CIMIP5: variants seen among roughly 807,000 people sequenced by gnomAD.
CIMIP5 encodes uncharacterized protein C2orf50.
At chr2:11,142,467 C>T in the CIMIP5 span, among the ~76,000 whole-genome samples, 1 of 152,108 alleles carries the variant, frequency 6.6e-6, no homozygotes, top group Admixed American at 6.6e-5. Flanking sequence ...ATATCCCGAC[C>T]TGTGCATCTG....
chr2:11,142,713 A>ATTTTTTTT, the CIMIP5 span, among the ~76,000 whole-genome samples: 5 of 104,142 alleles, frequency 4.8e-5, no homozygotes, highest in Non-Finnish European at 5.6e-5. Context: ...CACTTGTCAG[A>ATTTTTTTT]TTTTTTTTTT....
chr2:11,149,390 G>A, the CIMIP5 span, among the ~76,000 whole-genome samples: 729 of 152,082 alleles, frequency 4.8e-3, 4 homozygotes, highest in African/African-American at 0.017. Context: ...TTCTGCCAAA[G>A]AGTTGGCCTT....
At chr2:11,133,236 G>A in the CIMIP5 span, 1 of 1,405,834 alleles carries the variant, frequency 7.1e-7, no homozygotes, top group East Asian at 2.6e-5. Context: ...GGGTTAGGAG[G>A]GACAGAGTGT....
chr2:11,133,623 C>A, the CIMIP5 span: 4 of 1,554,062 alleles, frequency 2.6e-6, no homozygotes, highest in Non-Finnish European at 3.5e-6. Context: ...TCCACCCTGA[C>A]TCCGCAGCCT....
the CIMIP5 span, among the ~76,000 whole-genome samples, chr2:11,150,411 C>T: frequency 2.0e-5 from 3 of 149,956 alleles, no homozygotes; most frequent in Admixed American, 6.6e-5. Flanking sequence ...TGGCTCACTG[C>T]AGCCTCCGCT....
the CIMIP5 span, among the ~76,000 whole-genome samples, chr2:11,148,772 G>C: frequency 8.7e-6 from 1 of 115,328 alleles, no homozygotes. Flanking sequence ...TCTCGCTCTC[G>C]TCCCCCAGGC....
chr2:11,144,858 A>G, the CIMIP5 span: 1 of 149,672 alleles, frequency 6.7e-6, no homozygotes, highest in Admixed American at 6.7e-5. Context: ...TCTGTCACCT[A>G]GGCTAGAGGG....
At chr2:11,140,595 TA>T in the CIMIP5 span, 1 of 1,407,068 alleles carries the variant, frequency 7.1e-7, no homozygotes, top group Non-Finnish European at 9.8e-7. Context: ...AATTGAATAT[TA>T]CTCATTCTTT....
chr2:11,143,065 C>A, the CIMIP5 span, among the ~76,000 whole-genome samples: 2 of 152,068 alleles, frequency 1.3e-5, no homozygotes, highest in Non-Finnish European at 2.9e-5. Flanking sequence ...CCCAAACGCA[C>A]GTTCACATAT....
chr2:11,151,794 C>T, the CIMIP5 span, among the ~76,000 whole-genome samples: 38 of 152,330 alleles, frequency 2.5e-4, no homozygotes, highest in African/African-American at 8.9e-4. Context: ...AATCACCATG[C>T]CTGGCTAATT....
chr2:11,133,635 A>C, the CIMIP5 span: 1 of 1,550,070 alleles, frequency 6.5e-7, no homozygotes, highest in Non-Finnish European at 8.7e-7. Flanking sequence ...CCGCAGCCTG[A>C]CTGCAAGTTG....
At chr2:11,139,343 G>A in the CIMIP5 span, among the ~76,000 whole-genome samples, 1 of 152,208 alleles carries the variant, frequency 6.6e-6, no homozygotes, top group Admixed American at 6.5e-5. Flanking sequence ...ACAGCTAAAA[G>A]GCTGGCAAAG....
At chr2:11,143,014 A>G in the CIMIP5 span, among the ~76,000 whole-genome samples, 26,457 of 152,150 alleles carry the variant, frequency 0.17, 6,679 homozygotes, top group African/African-American at 0.56. Context: ...ATCAGATTAC[A>G]TTTAGTCATT....
the CIMIP5 span, among the ~76,000 whole-genome samples, chr2:11,148,687 G>A: frequency 9.5e-5 from 14 of 148,072 alleles, no homozygotes; most frequent in Non-Finnish European, 1.8e-4. Context: ...TAATCCATGG[G>A]TTCATACCAA....
chr2:11,153,903 G>A, the CIMIP5 span, among the ~76,000 whole-genome samples: 5 of 140,744 alleles, frequency 3.6e-5, no homozygotes, highest in East Asian at 4.4e-4. Context: ...CAGCCTGGGC[G>A]ACAAGAGTGA....
the CIMIP5 span, among the ~76,000 whole-genome samples, chr2:11,149,727 TTAAAA>T: frequency 9.3e-5 from 14 of 151,288 alleles, no homozygotes; most frequent in African/African-American, 2.2e-4. Flanking sequence ...AATTAATTAA[TTAAAA>T]TAAAATAAAA....
the CIMIP5 span, among the ~76,000 whole-genome samples, chr2:11,133,805 G>T: frequency 6.6e-6 from 1 of 152,284 alleles, no homozygotes; most frequent in Non-Finnish European, 1.5e-5. Flanking sequence ...ACCAGATGCC[G>T]CTGGGTCAGA....
the CIMIP5 span, among the ~76,000 whole-genome samples, chr2:11,147,977 A>C: frequency 6.6e-6 from 1 of 152,172 alleles, no homozygotes; most frequent in Non-Finnish European, 1.5e-5. Flanking sequence ...CTGCAGGGTC[A>C]GTGCCAGCAA....
chr2:11,133,283 C>A, the CIMIP5 span: 2 of 365,260 alleles, frequency 5.5e-6, no homozygotes, highest in Non-Finnish European at 7.8e-6. Context: ...AGGCACAGGT[C>A]TCTCTCTCTC....
Sources: allele counts gnomAD v4.1 joint callset (sites outside exome capture counted in the v4.1 genomes callset), GRCh38; gene constraint gnomAD v4.1.1; transcripts MANE v1.5; gene names NCBI Gene and HGNC (gene_info 2026-07-23, HGNC 2026-07-21).